ZNF385D: variants seen among roughly 807,000 people sequenced by gnomAD.
ZNF385D encodes the protein zinc finger protein 385D.
A neutral mutation model predicts 35.8 loss-of-function variants in ZNF385D; 15 were observed. The observed-to-expected ratio is 0.42, with a 90% CI of 0.28 to 0.64. The LOEUF is 0.64. Among genes scored for constraint, ZNF385D ranks in the 30% least tolerant of loss-of-function variants. The pLI is 0.23. For missense variants in ZNF385D, 474 were observed against 494.6 expected, an observed-to-expected ratio of 0.96 and a Z score of 0.39; for synonymous variants, 212 against 186.8, an observed-to-expected ratio of 1.13 and a Z score of -1.10.
At chr3:22,281,871 A>G (rs1185673987) in intron 2 of ZNF385D, among the ~76,000 whole-genome samples, 2 of 151,246 alleles carry the variant, frequency 1.3e-5, no homozygotes, top group Non-Finnish European at 3.0e-5. Context: ...CTGGTACTGA[A>G]CATTTTTTGT....
intron 2 of ZNF385D, among the ~76,000 whole-genome samples, chr3:22,172,041 G>A (rs1389918094): frequency 1.3e-5 from 2 of 152,124 alleles, no homozygotes; most frequent in Non-Finnish European, 2.9e-5. Flanking sequence ...ACATATTTGA[G>A]TTCCACTGAG....
At position 21,771,720 on chromosome 3, in the gene ZNF385D, G is replaced by T. The variant is rs992767942; in HGVS notation, c.326-106692C>A. Among the ~76,000 whole-genome samples, 8 of 151,802 alleles carry T rather than the reference G, an allele frequency of 5.3e-5. No homozygotes were observed. In the South Asian group the frequency reaches 1.7e-3, roughly 32 times the overall value. ...GACCAAGAGACAAGACCATCAAGATGGGGGAGGGAGGGGAAGCAATGGTTA... is the reference window on the plus strand; with the variant it reads ...GACCAAGAGACAAGACCATCAAGATTGGGGAGGGAGGGGAAGCAATGGTTA... On this transcript the variant is annotated intron_variant, in intron 3 of 5. Coordinates refer to the ZNF385D transcript ENST00000494108.
intron 2 of ZNF385D, among the ~76,000 whole-genome samples, chr3:22,314,513 T>C (rs1227792557): frequency 6.6e-6 from 1 of 152,168 alleles, no homozygotes; most frequent in African/African-American, 2.4e-5. Flanking sequence ...TTTATTTGTC[T>C]ATTCATTGAC....
intron 3 of ZNF385D, among the ~76,000 whole-genome samples, chr3:21,904,961 A>T (rs1408291379): frequency 1.3e-5 from 2 of 152,114 alleles, no homozygotes; most frequent in African/African-American, 4.8e-5. Context: ...CAAGAAAGAA[A>T]AAAGAATATT....
chr3:21,686,254 C>T (rs750325419), intron 1 of ZNF385D, among the ~76,000 whole-genome samples: 11 of 151,980 alleles, frequency 7.2e-5, no homozygotes, highest in Non-Finnish European at 1.3e-4. Context: ...TGTTATAACA[C>T]CAAATTGTTA....
At chr3:21,474,006 A>G (rs1704068801) in intron 4 of ZNF385D, among the ~76,000 whole-genome samples, 1 of 152,050 alleles carries the variant, frequency 6.6e-6, no homozygotes, top group Non-Finnish European at 1.5e-5. Flanking sequence ...ATATGTGTAT[A>G]TATGTGTGTG....
chr3:21,572,472 T>G (rs2063363938), intron 2 of ZNF385D, among the ~76,000 whole-genome samples: 2 of 152,210 alleles, frequency 1.3e-5, no homozygotes, highest in Admixed American at 1.3e-4. Flanking sequence ...AGTATGTACC[T>G]TGACATGCTG....
chr3:22,191,704 ACTT>A (rs1696045323), intron 2 of ZNF385D, among the ~76,000 whole-genome samples: 1 of 152,174 alleles, frequency 6.6e-6, no homozygotes, highest in South Asian at 2.1e-4. Context: ...TAGTACTTGT[ACTT>A]GTAAAACAGT....
In ZNF385D at chr3:22,239,332, T is replaced by C. The variant is rs1699362694; in HGVS notation, c.107-70297A>G. On this transcript the variant is annotated intron_variant, in intron 2 of 5. Coordinates refer to the ZNF385D transcript ENST00000494108. The stretch of plus-strand genomic sequence containing the variant: ...CATTGTGTAATTACAACAGAGACTC[T>C]ATGGCCCACAACATTTAAAATATTT... 1.3e-5 allele frequency among the ~76,000 whole-genome samples: 2 copies of C among 151,036 alleles called. 1 individual carries two copies. The highest frequency in any genetic ancestry group is 3.9e-4 in the East Asian group (2 of 5,122).
chr3:21,761,903 G>A lies in ZNF385D; in HGVS notation c.326-96875C>T, dbSNP rs1434890400. ...TTTTTTTTTTTTTTTTTTTTGAGACGGAGTCTCGCTCTGTCACCAGGTTGG... is the reference window on the plus strand; with the variant it reads ...TTTTTTTTTTTTTTTTTTTTGAGACAGAGTCTCGCTCTGTCACCAGGTTGG... On this transcript the variant is annotated intron_variant, in intron 3 of 5. Coordinates refer to the ZNF385D transcript ENST00000494108. Among the ~76,000 whole-genome samples the A allele has an allele frequency of 1.6e-4, 18 of 114,524 alleles. No individual in the cohort carries two copies. The South Asian group carries it at 1.7e-3, about 11-fold the overall frequency. The allele number at this position is 114,524 out of a possible 152,430, so 75.1% of individuals were successfully genotyped here.
At chr3:22,338,914 T>G (rs1313635089) in intron 2 of ZNF385D, among the ~76,000 whole-genome samples, 1 of 152,074 alleles carries the variant, frequency 6.6e-6, no homozygotes, top group Non-Finnish European at 1.5e-5. Flanking sequence ...TTGGCCAGGC[T>G]CGTCTCGAAC....
chr3:22,353,721 G>A (rs1696021262), intron 2 of ZNF385D, among the ~76,000 whole-genome samples: 1 of 152,094 alleles, frequency 6.6e-6, no homozygotes, highest in Non-Finnish European at 1.5e-5. Context: ...CTACAGTCCT[G>A]TTCCTTCACT....
At chr3:22,279,975 A>G (rs958622803) in intron 2 of ZNF385D, among the ~76,000 whole-genome samples, 6 of 151,966 alleles carry the variant, frequency 3.9e-5, no homozygotes, top group African/African-American at 1.2e-4. Flanking sequence ...AATTATGGCC[A>G]TTCTTGCAGC....
intron 1 of ZNF385D, among the ~76,000 whole-genome samples, chr3:21,697,042 G>A (rs1236875358): frequency 6.6e-6 from 1 of 152,144 alleles, no homozygotes; most frequent in African/African-American, 2.4e-5. Flanking sequence ...CAGCAGAAGA[G>A]CTTAGGTTAA....
chr3:21,982,599 G>A (rs796280327), intron 3 of ZNF385D, among the ~76,000 whole-genome samples: 7 of 152,228 alleles, frequency 4.6e-5, no homozygotes, highest in African/African-American at 1.2e-4. Context: ...TGTTTGCTCT[G>A]GTTAGGACAT....
At chr3:22,187,302 A>G (rs569352790) in intron 2 of ZNF385D, among the ~76,000 whole-genome samples, 3 of 152,298 alleles carry the variant, frequency 2.0e-5, no homozygotes, top group Non-Finnish European at 2.9e-5. Context: ...ACACTAATCA[A>G]CACCATATGT....
chr3:21,943,227 G>C (rs1701617532), intron 3 of ZNF385D, among the ~76,000 whole-genome samples: 2 of 151,756 alleles, frequency 1.3e-5, no homozygotes, highest in Non-Finnish European at 2.9e-5. Context: ...ATTTATAAAA[G>C]CGACTAGTAA....
At chr3:22,337,848 T>C (rs78107733) in intron 2 of ZNF385D, among the ~76,000 whole-genome samples, 3,395 of 152,304 alleles carry the variant, frequency 0.022, 122 homozygotes, top group African/African-American at 0.077. Flanking sequence ...TATCACTGTT[T>C]TGTTTCCCAT....
At chr3:21,584,887 G>T (rs749584237) in intron 2 of ZNF385D, among the ~76,000 whole-genome samples, 5 of 151,998 alleles carry the variant, frequency 3.3e-5, no homozygotes, top group Non-Finnish European at 7.4e-5. Context: ...GTACCCTATG[G>T]TTTCTAGAAA....
Sources: allele counts gnomAD v4.1 joint callset (sites outside exome capture counted in the v4.1 genomes callset), GRCh38; gene constraint gnomAD v4.1.1; transcripts MANE v1.5; gene names NCBI Gene and HGNC (gene_info 2026-07-23, HGNC 2026-07-21).